Variants in RBBP4 observed in about 807,000 individuals in gnomAD.
RBBP4 encodes the protein histone-binding protein RBBP4.
In RBBP4, 3 loss-of-function variants were observed where a neutral mutation model predicts 57.2. The ratio of observed to expected loss-of-function variants is 0.05; its 90% confidence interval spans 0.02 to 0.14. RBBP4 has a LOEUF of 0.14. RBBP4 is among the 10% of genes least tolerant of loss of function. The probability of loss-of-function intolerance (pLI) is 1.00; values close to 1 mark genes in which losing one functional copy is unlikely to be tolerated. For synonymous variants in RBBP4, 151 were observed against 171.5 expected (o/e 0.88, Z 0.93); for missense variants, 107 against 520.6 (o/e 0.21, Z 7.73).
chr1:32,653,169 T>A (rs1647966745), intron 2 of RBBP4, among the ~76,000 whole-genome samples: 1 of 152,122 alleles, frequency 6.6e-6, no homozygotes, highest in Non-Finnish European at 1.5e-5. Flanking sequence ...TTAGTTATAA[T>A]TAGCATAAAA....
In RBBP4 at chr1:32,672,785, T is replaced by A; in HGVS notation, c.1102-6T>A. On this transcript the variant is annotated splice_region_variant and splice_polypyrimidine_tract_variant and intron_variant, in intron 10 of 11. Transcript: ENST00000373493. ...TTTCACCTCTTTGTTTTCTTCCCTC[T>A]TTCAGTTTATTCATGGTGGTCATAC... 6.2e-7 allele frequency: 1 copy of A among 1,610,714 alleles called. No individual in the cohort carries two copies. The highest frequency in any genetic ancestry group is 8.5e-7 in the Non-Finnish European group (1 of 1,176,894).
intron 5 of RBBP4, 49 bp from the exon 6 acceptor site, chr1:32,668,923 G>C: frequency 5.0e-6 from 8 of 1,612,490 alleles, no homozygotes; most frequent in Non-Finnish European, 6.8e-6. Flanking sequence ...TGGGGTGTGT[G>C]GGGAGGTGAG....
rs756117838 is a variant in RBBP4 at position 32,672,536 on chromosome 1, G to A, written c.1043+10G>A. On this transcript the variant is annotated intron_variant, in intron 9 of 11. Coordinates refer to ENST00000373493, the MANE Select transcript of RBBP4 (RefSeq NM_005610.3). ...ATGTCTGGGATTTAAGGTAATTCTTGTATTCATTCCTCTCTCTACATAATT... is the reference window on the plus strand; with the variant it reads ...ATGTCTGGGATTTAAGGTAATTCTTATATTCATTCCTCTCTCTACATAATT... 3.7e-6 allele frequency: 6 copies of A among 1,601,954 alleles called. No homozygotes were observed. Among genetic ancestry groups the A allele is most frequent in the South Asian group, 1.1e-5 (1 of 90,750 alleles).
At chr1:32,661,006 T>A (rs1648380548) in intron 3 of RBBP4, among the ~76,000 whole-genome samples, 1 of 151,828 alleles carries the variant, frequency 6.6e-6, no homozygotes, top group Non-Finnish European at 1.5e-5. Flanking sequence ...AGAGAGTAGG[T>A]CTCACCACGT....
intron 3 of RBBP4, among the ~76,000 whole-genome samples, chr1:32,661,957 C>G (rs549750432): frequency 3.0e-5 from 4 of 131,524 alleles, no homozygotes; most frequent in Admixed American, 2.5e-4. Flanking sequence ...GCAATCTCGG[C>G]TCACTGCAAC....
rs1649692762 is a variant in RBBP4 at position 32,684,639 on chromosome 1, G to C, written c.*4934G>C. 1 of 449,552 alleles carries C rather than the reference G, an allele frequency of 2.2e-6. No homozygotes were observed. Among genetic ancestry groups the C allele is most frequent in the South Asian group, 2.4e-5 (1 of 40,906 alleles). The allele number at this position is 449,552 out of a possible 1,614,324, so 27.8% of individuals were successfully genotyped here. A position where few individuals can be genotyped will look rare whatever the true frequency, so the allele number is the denominator to read the frequency against. ...CTTGCTTTAATAGAATCCTGGGAGGGTGATTGGGACTTTTTAGTATTACAA... is the reference window on the plus strand; with the variant it reads ...CTTGCTTTAATAGAATCCTGGGAGGCTGATTGGGACTTTTTAGTATTACAA... On this transcript the variant is annotated 3_prime_UTR_variant, in exon 12 of 12. Coordinates refer to ENST00000373493, the MANE Select transcript of RBBP4 (RefSeq NM_005610.3).
chr1:32,671,752 C>A (rs1328173789), intron 8 of RBBP4, among the ~76,000 whole-genome samples: 2 of 150,544 alleles, frequency 1.3e-5, no homozygotes, highest in Admixed American at 1.3e-4. Context: ...AATTAGCTGG[C>A]CGTGGTGGCG....
Position 32,653,649 on chromosome 1 carries a change from T to G in RBBP4, c.164+1588T>G, listed in dbSNP as rs545858464. On this transcript the variant is annotated intron_variant, in intron 2 of 11. Transcript: ENST00000373493. ...TTTTTGTTTTCTGGTTTTTTTTTTTTTTTTTTTTTTGTTTTTGTTTTTTTT... is the reference window on the plus strand; with the variant it reads ...TTTTTGTTTTCTGGTTTTTTTTTTTGTTTTTTTTTTGTTTTTGTTTTTTTT... Among the ~76,000 whole-genome samples the G allele has an allele frequency of 2.5e-3, 61 of 24,032 alleles. 1 individual carries two copies. The highest frequency in any genetic ancestry group is 3.9e-3 in the African/African-American group (30 of 7,734). 15.8% of individuals were successfully genotyped at this position (24,032 alleles called of 152,430 possible). A position where few individuals can be genotyped will look rare whatever the true frequency, so the allele number is the denominator to read the frequency against.
chr1:32,654,109 A>ACACGTGTAAT (rs939078285), intron 2 of RBBP4, among the ~76,000 whole-genome samples: 2 of 152,128 alleles, frequency 1.3e-5, no homozygotes, highest in African/African-American at 4.8e-5. Context: ...ATGGTGGCTC[A>ACACGTGTAAT]CACGTGTAAT....
Position 32,669,172 on chromosome 1 carries a change from A to C in RBBP4, c.761+40A>C, listed in dbSNP as rs952986508. ...TTCAGAGTTTCTAAATATCTTGTCT[A>C]AGTTTTATGTTTAGTCACCATTTCA... is the stretch of plus-strand genomic sequence containing the variant. On this transcript the variant is annotated intron_variant, in intron 6 of 11. Coordinates refer to ENST00000373493, the MANE Select transcript of RBBP4 (RefSeq NM_005610.3). The surrounding 1 kb of genome is among the most constrained non-coding windows in gnomAD (Gnocchi z 4.9). The C allele has an allele frequency of 1.2e-6, 2 of 1,611,846 alleles. No homozygotes were observed. The highest frequency in any genetic ancestry group is 1.7e-6 in the Non-Finnish European group (2 of 1,179,300).
intron 3 of RBBP4, among the ~76,000 whole-genome samples, chr1:32,660,116 TTA>T (rs1648334900): frequency 6.6e-6 from 1 of 152,198 alleles, no homozygotes; most frequent in South Asian, 2.1e-4. Context: ...TCCTGTTTAT[TTA>T]TGTTTTTTGC....
At chr1:32,661,528 A>G (rs1032469757) in intron 3 of RBBP4, among the ~76,000 whole-genome samples, 3 of 152,122 alleles carry the variant, frequency 2.0e-5, no homozygotes, top group Admixed American at 1.3e-4. Context: ...TCCCAACCTC[A>G]GGTGATCCAC....
rs535594034 is a variant in RBBP4 at position 32,669,858 on chromosome 1, T to A, written c.966+295T>A. Among the ~76,000 whole-genome samples, 1 of 151,650 alleles carries A rather than the reference T, an allele frequency of 6.6e-6. No individual in the cohort carries two copies. Among genetic ancestry groups the A allele is most frequent in the East Asian group, 1.9e-4 (1 of 5,140 alleles). On this transcript the variant is annotated intron_variant, in intron 8 of 11. Transcript: ENST00000373493. This position sits in a 1 kb window ranked among gnomAD's most constrained non-coding sequence, Gnocchi z 4.9. ...GTGAGCCGAGATTGTGCCACTGCAC[T>A]CTAGCCTGGGCGACAGAACGAGAGT... is the stretch of plus-strand genomic sequence containing the variant.
chr1:32,665,963 TCA>T (rs1284696536), intron 3 of RBBP4, among the ~76,000 whole-genome samples: 4 of 152,220 alleles, frequency 2.6e-5, no homozygotes, highest in Non-Finnish European at 5.9e-5. Context: ...ATTTACATAA[TCA>T]CACATTATAT....
intron 2 of RBBP4, among the ~76,000 whole-genome samples, chr1:32,655,343 T>C (rs1212062507): frequency 6.6e-6 from 1 of 152,110 alleles, no homozygotes; most frequent in African/African-American, 2.4e-5. Flanking sequence ...TTTACTTTTG[T>C]GTGTGTTCTT....
intron 2 of RBBP4, 36 bp from the exon 3 acceptor site, chr1:32,657,391 A>G: frequency 1.9e-6 from 3 of 1,589,760 alleles, no homozygotes; most frequent in Non-Finnish European, 2.6e-6. Context: ...TCCTGATGTT[A>G]CTAATTTGAA....
intron 8 of RBBP4, among the ~76,000 whole-genome samples, chr1:32,671,506 A>G (rs1237006278): frequency 6.6e-6 from 1 of 151,820 alleles, no homozygotes; most frequent in Non-Finnish European, 1.5e-5. Flanking sequence ...TCGCTTGAAC[A>G]TGGGAGGAGG....
intron 1 of RBBP4, 35 bp from the exon 2 acceptor site, chr1:32,651,879 G>C (rs1252143616): frequency 4.4e-6 from 7 of 1,605,754 alleles, no homozygotes; most frequent in Non-Finnish European, 5.1e-6. Context: ...GTTTCCGTTT[G>C]TTTGCTAACT....
intron 11 of RBBP4, among the ~76,000 whole-genome samples, chr1:32,675,422 TC>T (rs1273381919): frequency 6.6e-6 from 1 of 152,112 alleles, no homozygotes; most frequent in East Asian, 1.9e-4. Context: ...ACTTTTTTTT[TC>T]TTTTACCTCC....
Sources: allele counts gnomAD v4.1 joint callset (sites outside exome capture counted in the v4.1 genomes callset), GRCh38; gene constraint gnomAD v4.1.1; non-coding constraint Gnocchi (gnomAD v3.1); transcripts MANE v1.5; gene names NCBI Gene and HGNC (gene_info 2026-07-23, HGNC 2026-07-21).